The following MECOM variants were observed in gnomAD, a reference collection of about 807,000 sequenced individuals.
MECOM encodes the protein histone-lysine N-methyltransferase MECOM.
MECOM carries 13 observed loss-of-function variants against 116.3 expected under a neutral mutation model. The ratio of observed to expected loss-of-function variants is 0.11; its 90% CI spans 0.07 to 0.18. MECOM has a LOEUF of 0.18. Among genes scored for constraint, MECOM ranks in the 10% least tolerant of loss-of-function variants. The pLI, the probability that MECOM is intolerant of heterozygous loss-of-function variation, is 1.00. For missense variants in MECOM, 1,299 were observed against 1,509.0 expected (o/e 0.86, Z 2.31); for synonymous variants, 528 against 535.2 (o/e 0.99, Z 0.19).
intron 1 of MECOM, among the ~76,000 whole-genome samples, chr3:169,460,977 T>C (rs1483139056): frequency 6.6e-6 from 1 of 152,198 alleles, no homozygotes; most frequent in Non-Finnish European, 1.5e-5. Context: ...TTATCTTTTA[T>C]TTGGTGCCCT....
chr3:169,243,933 C>T (rs1755222384), intron 2 of MECOM, among the ~76,000 whole-genome samples: 1 of 152,210 alleles, frequency 6.6e-6, no homozygotes, highest in Non-Finnish European at 1.5e-5. Context: ...CTCCAGGAGA[C>T]CCCAAAGCCC....
intron 1 of MECOM, among the ~76,000 whole-genome samples, chr3:169,659,176 G>C (rs1201707894): frequency 2.6e-5 from 4 of 151,984 alleles, no homozygotes; most frequent in Admixed American, 2.6e-4. Context: ...GTCCCTGCAG[G>C]AAGCCGGCCC....
chr3:169,276,917 T>C (rs1056802829), intron 2 of MECOM, among the ~76,000 whole-genome samples: 1 of 152,166 alleles, frequency 6.6e-6, no homozygotes, highest in African/African-American at 2.4e-5. Context: ...ATATAAAGTA[T>C]CTACTATTAT....
At chr3:169,102,314 G>C in intron 10 of MECOM, 88 bp from the exon 11 acceptor site, 2 of 1,287,442 alleles carry the variant, frequency 1.6e-6, no homozygotes, top group Non-Finnish European at 2.1e-6. Context: ...CATTAAAAGG[G>C]AAGCATGAAA....
chr3:169,187,584 G>A (rs1175542545), intron 2 of MECOM, among the ~76,000 whole-genome samples: 3 of 152,050 alleles, frequency 2.0e-5, no homozygotes, highest in Non-Finnish European at 2.9e-5. Flanking sequence ...AGAAATGGGT[G>A]TGGAATAAGA....
At position 169,197,400 on chromosome 3, in the gene MECOM, A is replaced by G. The variant is rs78656583; in HGVS notation, c.376-53568T>C. On this transcript the variant is annotated intron_variant, in intron 2 of 16. Coordinates refer to ENST00000651503, the MANE Select transcript of MECOM (RefSeq NM_004991.4). The stretch of plus-strand genomic sequence containing the variant: ...AGTGTGTGCGGACTATGATAAATGA[A>G]TAAAGTCTCCAGTATATCCCAGTCT... Among the ~76,000 whole-genome samples the G allele has an allele frequency of 5.9e-3, 891 of 152,072 alleles. 5 individuals carry two copies. The highest frequency in any genetic ancestry group is 9.5e-3 in the Non-Finnish European group (649 of 67,966).
intron 1 of MECOM, among the ~76,000 whole-genome samples, chr3:169,460,567 C>A (rs1747273781): frequency 6.6e-6 from 1 of 152,114 alleles, no homozygotes; most frequent in African/African-American, 2.4e-5. Context: ...GAAAATAAAT[C>A]TATTTGTATG....
chr3:169,283,461 G>T (rs1165883364), intron 2 of MECOM, among the ~76,000 whole-genome samples: 1 of 151,834 alleles, frequency 6.6e-6, no homozygotes. Flanking sequence ...AAAATAGCTT[G>T]CTTGCCAGGA....
intron 15 of MECOM, among the ~76,000 whole-genome samples, chr3:169,089,523 T>C (rs1560109636): frequency 1.3e-5 from 2 of 152,136 alleles, no homozygotes; most frequent in African/African-American, 2.4e-5. Flanking sequence ...TCAACATCCA[T>C]CATGAAAATA....
At position 169,522,096 on chromosome 3, in the gene MECOM, T is replaced by C. The variant is rs1207992999; in HGVS notation, c.38-140572A>G. Among the ~76,000 whole-genome samples, 3 of 152,166 alleles carry C rather than the reference T, an allele frequency of 2.0e-5. No individual in the cohort carries two copies. In the East Asian group the frequency reaches 5.8e-4, roughly 29 times the overall value. ...TCAATCCTTCACAGATACAGAGGGATGACTGTATACATGTTTTTGAACCCT... is the reference window on the plus strand; with the variant it reads ...TCAATCCTTCACAGATACAGAGGGACGACTGTATACATGTTTTTGAACCCT... On this transcript the variant is annotated intron_variant, in intron 1 of 16. Coordinates refer to ENST00000651503, the MANE Select transcript of MECOM (RefSeq NM_004991.4).
intron 2 of MECOM, among the ~76,000 whole-genome samples, chr3:169,154,210 C>G (rs925430256): frequency 2.0e-5 from 3 of 152,010 alleles, no homozygotes; most frequent in African/African-American, 7.2e-5. Flanking sequence ...TTCCAGAGCC[C>G]TAAAAACGAG....
At chr3:169,182,402 T>C (rs1187872572) in intron 2 of MECOM, among the ~76,000 whole-genome samples, 1 of 152,196 alleles carries the variant, frequency 6.6e-6, no homozygotes, top group Non-Finnish European at 1.5e-5. Context: ...TTTAAAACAG[T>C]ATCACAGCTT....
intron 1 of MECOM, among the ~76,000 whole-genome samples, chr3:169,517,665 G>A (rs1407693813): frequency 6.6e-6 from 1 of 152,090 alleles, no homozygotes; most frequent in Admixed American, 6.6e-5. Flanking sequence ...AAACATTACA[G>A]TAGAAGAACC....
intron 3 of MECOM, among the ~76,000 whole-genome samples, chr3:169,133,665 T>TA (rs759637889): frequency 3.4e-4 from 52 of 152,012 alleles, no homozygotes; most frequent in African/African-American, 8.7e-4. Context: ...GCTGTTTCTA[T>TA]AAAAAAAATA....
intron 1 of MECOM, among the ~76,000 whole-genome samples, chr3:169,657,827 G>C (rs1413369055): frequency 6.6e-6 from 1 of 152,214 alleles, no homozygotes; most frequent in African/African-American, 2.4e-5. Flanking sequence ...CATCTCTGAA[G>C]TTTCTTGTAT....
intron 1 of MECOM, among the ~76,000 whole-genome samples, chr3:169,521,690 G>C (rs1337959607): frequency 1.3e-5 from 2 of 152,198 alleles, no homozygotes; most frequent in Non-Finnish European, 2.9e-5. Context: ...CTGTTGGTCA[G>C]ACCCAGGAAT....
At chr3:169,502,203 C>G (rs988297679) in intron 1 of MECOM, among the ~76,000 whole-genome samples, 1 of 152,144 alleles carries the variant, frequency 6.6e-6, no homozygotes, top group African/African-American at 2.4e-5. Context: ...AAAAACCCAT[C>G]TCTCTTACAA....
At chr3:169,650,453 T>C (rs967714781) in intron 1 of MECOM, among the ~76,000 whole-genome samples, 2 of 152,104 alleles carry the variant, frequency 1.3e-5, no homozygotes, top group African/African-American at 4.8e-5. Flanking sequence ...TTACTTATCC[T>C]TACCCAGTTT....
chr3:169,088,115 G>A (rs376059981), intron 16 of MECOM, among the ~76,000 whole-genome samples: 2 of 152,192 alleles, frequency 1.3e-5, no homozygotes, highest in South Asian at 2.1e-4. Flanking sequence ...ATTTCCAAAT[G>A]TACAAACTAA....
Sources: gnomAD v4.1 joint callset for allele counts (sites outside exome capture counted in the v4.1 genomes callset) on GRCh38, gnomAD v4.1.1 for gene constraint, MANE v1.5 for transcripts, NCBI Gene and HGNC (gene_info 2026-07-23, HGNC 2026-07-21) for gene names.